EIF5B: variants seen among roughly 807,000 people sequenced by gnomAD.
EIF5B encodes eukaryotic translation initiation factor 5B, also known as eIF-5B.
A neutral mutation model predicts 147.5 loss-of-function variants in EIF5B; 47 were observed. The ratio of observed to expected loss-of-function variants is 0.32; its 90% CI spans 0.25 to 0.41. EIF5B has a LOEUF of 0.41. EIF5B is among the 10% of genes least tolerant of loss of function. EIF5B has a pLI of 1.00. For missense variants in EIF5B, 1,064 were observed against 1,413.2 expected, an observed-to-expected ratio of 0.75 and a Z score of 3.96; for synonymous variants, 455 against 456.2, an observed-to-expected ratio of 1.00 and a Z score of 0.03.
rs531696590 is a variant in EIF5B at position 99,371,362 on chromosome 2, T to C, written c.1478-294T>C. ...AATTAGCTGGCCACGGTGGCGGGCA[T>C]CTGTAGTCCCAGCTACTTGGGAGGC... On this transcript the variant is annotated intron_variant, in intron 8 of 23. Coordinates refer to ENST00000289371, the MANE Select transcript of EIF5B (RefSeq NM_015904.4). 4.9e-4 allele frequency among the ~76,000 whole-genome samples: 74 copies of C among 151,966 alleles called. 2 individuals are homozygous for C. The highest frequency in any genetic ancestry group is 4.8e-3 in the South Asian group (23 of 4,816).
At chr2:99,354,272 G>T (rs1428325144) in intron 1 of EIF5B, among the ~76,000 whole-genome samples, 2 of 152,094 alleles carry the variant, frequency 1.3e-5, no homozygotes, top group Non-Finnish European at 2.9e-5. Context: ...TCCCATTGTG[G>T]TTTTAATTTG....
intron 4 of EIF5B, among the ~76,000 whole-genome samples, chr2:99,363,309 T>C (rs1674258988): frequency 6.6e-6 from 1 of 152,206 alleles, no homozygotes; most frequent in South Asian, 2.1e-4. Flanking sequence ...TAAGCATCTG[T>C]TGGACACCAG....
Position 99,390,571 on chromosome 2 carries a change from A to G in EIF5B, c.2614A>G (p.Thr872Ala), listed in dbSNP as rs745656700. 1 of 1,610,132 alleles carries G rather than the reference A, an allele frequency of 6.2e-7. No homozygotes were observed. The highest frequency in any genetic ancestry group is 1.1e-5 in the South Asian group (1 of 90,934). Reference sequence around the variant, plus strand: ...TAAAGCTCTCCCGGGGATGGGCACCACTATAGATGTCATCTTGATCAATGG... The same window carrying G: ...TAAAGCTCTCCCGGGGATGGGCACCGCTATAGATGTCATCTTGATCAATGG... The part of the protein sequence containing the change: ...EVKALPGMGT[T>A]IDVILINGRL... The change falls in exon 17 of 24, where the codon ACT (threonine) becomes GCT (alanine). Residue 872 changes from threonine to alanine, a missense_variant. Coordinates refer to ENST00000289371, the MANE Select transcript of EIF5B (RefSeq NM_015904.4).
chr2:99,380,244 G>GT (rs1393189514), intron 12 of EIF5B, among the ~76,000 whole-genome samples: 1 of 151,872 alleles, frequency 6.6e-6, no homozygotes, highest in African/African-American at 2.4e-5. Context: ...TAGAGACAGG[G>GT]TCTCCCTATG....
rs1384155244 is a variant in EIF5B, at chr2:99,371,552, A to G, written c.1478-104A>G. 15 of 901,750 alleles carry G rather than the reference A, an allele frequency of 1.7e-5. No homozygotes were observed. In the Admixed American group the frequency reaches 4.1e-4, roughly 25 times the overall value. The allele number at this position is 901,750 out of a possible 1,614,324, so 55.9% of individuals were successfully genotyped here. On this transcript the variant is annotated intron_variant, in intron 8 of 23. Coordinates refer to ENST00000289371, the MANE Select transcript of EIF5B (RefSeq NM_015904.4). ...TGCATACATATTTTTTACATAATTA[A>G]AACATTCTTTTTTTATGTCAGAGCA...
chr2:99,378,508 C>T (rs1344024636), intron 10 of EIF5B, among the ~76,000 whole-genome samples: 1 of 152,136 alleles, frequency 6.6e-6, no homozygotes, highest in Non-Finnish European at 1.5e-5. Flanking sequence ...CTTAAATAAA[C>T]AGTCTCCTCC....
At chr2:99,384,042 A>G (rs199703981) in intron 14 of EIF5B, among the ~76,000 whole-genome samples, 2 of 151,758 alleles carry the variant, frequency 1.3e-5, no homozygotes, top group African/African-American at 4.9e-5. Flanking sequence ...CTAAAAATAC[A>G]AAAAGTTAGC....
At chr2:99,375,979 C>T (rs1289017481) in intron 9 of EIF5B, among the ~76,000 whole-genome samples, 1 of 152,118 alleles carries the variant, frequency 6.6e-6, no homozygotes, top group Non-Finnish European at 1.5e-5. Flanking sequence ...TGCAAATATT[C>T]CAAATTTTAA....
At chr2:99,340,191 G>A (rs1043137319) in intron 1 of EIF5B, among the ~76,000 whole-genome samples, 2 of 152,106 alleles carry the variant, frequency 1.3e-5, no homozygotes, top group Admixed American at 6.5e-5. Context: ...GGGAGATGGG[G>A]AATGGGAAGT....
intron 10 of EIF5B, among the ~76,000 whole-genome samples, chr2:99,377,753 G>C (rs1249549875): frequency 2.0e-5 from 3 of 152,104 alleles, no homozygotes; most frequent in African/African-American, 7.2e-5. Flanking sequence ...CATATGAGGG[G>C]TTAGGGCTTC....
intron 1 of EIF5B, chr2:99,338,438 A>G (rs1487436567): frequency 6.0e-6 from 5 of 829,486 alleles, no homozygotes. Context: ...TACACTACCC[A>G]CCAAACTTAA....
chr2:99,385,356 C>CAT lies in EIF5B; in HGVS notation c.2271+2437_2271+2438dup, dbSNP rs1285502340. On this transcript the variant is annotated intron_variant, in intron 14 of 23. Coordinates refer to ENST00000289371, the MANE Select transcript of EIF5B (RefSeq NM_015904.4). The stretch of plus-strand genomic sequence containing the variant: ...CACTGCGCCCAGCCAATGAATCTTT[C>CAT]ATAAAAGGAAGAATCAGTTAATTGA... 1.4e-4 allele frequency among the ~76,000 whole-genome samples: 22 copies of CAT among 152,270 alleles called. No individual in the cohort carries two copies. In the East Asian group the frequency reaches 4.3e-3, roughly 29 times the overall value.
At chr2:99,372,520 T>TAG (rs1389625158) in intron 9 of EIF5B, among the ~76,000 whole-genome samples, 1 of 152,188 alleles carries the variant, frequency 6.6e-6, no homozygotes, top group African/African-American at 2.4e-5. Context: ...GTATTTTTAG[T>TAG]AGAGATGGGG....
In EIF5B at chr2:99,382,181, T is replaced by A. The variant is rs1459295514; in HGVS notation, c.2084T>A (p.Ile695Asn). ...IKNFDRENVRIPGMLIIDTPG... is the reference protein window; with the variant it reads ...IKNFDRENVRNPGMLIIDTPG... Reference sequence around the variant, plus strand: ...TAGTTTGATAGAGAGAATGTACGGATTCCAGGAATGCTAATTATTGATACT... The same window carrying A: ...TAGTTTGATAGAGAGAATGTACGGAATCCAGGAATGCTAATTATTGATACT... Residue 695 changes from isoleucine (I) to asparagine (N), a missense_variant, in exon 13 of 24, where the codon ATT (isoleucine) becomes AAT (asparagine). By Grantham distance (149) the Ile-to-Asn change is moderately radical. Around this residue, in one of 4 missense-constraint regions of EIF5B, gnomAD observed 380 missense variants for 715.6 expected, o/e 0.53. Coordinates refer to ENST00000289371, the MANE Select transcript of EIF5B (RefSeq NM_015904.4). 6.2e-7 allele frequency: 1 copy of A among 1,613,106 alleles called. No individual in the cohort carries two copies. Among genetic ancestry groups the A allele is most frequent in the African/African-American group, 1.3e-5 (1 of 74,906 alleles).
Position 99,368,611 on chromosome 2 carries a change from T to A in EIF5B, c.1387+20T>A. 1 of 1,551,448 alleles carries A rather than the reference T, an allele frequency of 6.4e-7. No individual in the cohort carries two copies. The highest frequency in any genetic ancestry group is 8.9e-7 in the Non-Finnish European group (1 of 1,126,080). On this transcript the variant is annotated intron_variant, in intron 7 of 23. Transcript: ENST00000289371. ...AAGAAGGTTTGTATACAAAATAGCC[T>A]CTAATTTAGGAAATATGTTGTTTGC...
At chr2:99,395,814 G>C (rs986238687) in intron 21 of EIF5B, among the ~76,000 whole-genome samples, 4 of 152,204 alleles carry the variant, frequency 2.6e-5, no homozygotes, top group Non-Finnish European at 4.4e-5. Flanking sequence ...TGTCCAGAGA[G>C]AACAGCAGTG....
At chr2:99,360,036 T>G (rs1338552100) in intron 1 of EIF5B, among the ~76,000 whole-genome samples, 200 bp from the exon 2 acceptor site, 2 of 152,184 alleles carry the variant, frequency 1.3e-5, no homozygotes, top group Non-Finnish European at 2.9e-5. Context: ...CTTATTTGAG[T>G]GTAATCCAGA....
intron 1 of EIF5B, among the ~76,000 whole-genome samples, chr2:99,358,085 T>TTA (rs555235857): frequency 1.1e-3 from 159 of 151,350 alleles, no homozygotes; most frequent in East Asian, 2.1e-3. Context: ...TAAAATGCTT[T>TTA]TATATATATA....
rs1459250706 is a variant in EIF5B, at chr2:99,361,751, A to G, written c.850A>G (p.Lys284Glu). The G allele has an allele frequency of 6.3e-7, 1 of 1,589,840 alleles. No homozygotes were observed. The highest frequency in any genetic ancestry group is 8.5e-7 in the Non-Finnish European group (1 of 1,174,242). The change falls in exon 4 of 24, where the codon AAA (lysine) becomes GAA (glutamate). Residue 284 changes from lysine (K) to glutamate (E), a missense_variant. Coordinates refer to ENST00000289371, the MANE Select transcript of EIF5B (RefSeq NM_015904.4). The part of the protein sequence containing the change: ...RKFEEETVKS[K>E]VTVDTGVIPA... The stretch of plus-strand genomic sequence containing the variant: ...ATTTGAAGAAGAAACTGTAAAATCC[A>G]AAGTGACTGTTGATACTGGAGTAAT...
Sources: allele counts gnomAD v4.1 joint callset (sites outside exome capture counted in the v4.1 genomes callset), GRCh38; gene constraint gnomAD v4.1.1; regional missense constraint gnomAD v4.1.1; transcripts MANE v1.5; gene names NCBI Gene and HGNC (gene_info 2026-07-23, HGNC 2026-07-21).